The following GARNL3 variants were observed in gnomAD, a reference collection of about 807,000 sequenced individuals.
GARNL3 encodes GTPase-activating Rap/Ran-GAP domain-like protein 3.
A neutral mutation model predicts 125.0 loss-of-function variants in GARNL3; 63 were observed. The observed-to-expected ratio is 0.50, with a 90% confidence interval of 0.41 to 0.62. GARNL3 has a LOEUF of 0.62. Ranked by LOEUF, GARNL3 falls within the 20% of genes least tolerant of loss-of-function variation. The probability of loss-of-function intolerance (pLI) is 0.00; values close to 1 mark genes in which losing one functional copy is unlikely to be tolerated. For synonymous variants in GARNL3, 439 were observed against 457.5 expected, an observed-to-expected ratio of 0.96 and a Z score of 0.52; for missense variants, 994 against 1,244.0, an observed-to-expected ratio of 0.80 and a Z score of 3.02.
chr9:127,353,831 G>A lies in GARNL3; in HGVS notation c.1544-15G>A, dbSNP rs767897607. 6.3e-7 allele frequency: 1 copy of A among 1,581,362 alleles called. No individual in the cohort carries two copies. The highest frequency in any genetic ancestry group is 8.7e-7 in the Non-Finnish European group (1 of 1,150,186). The stretch of plus-strand genomic sequence containing the variant: ...GCTGGGTTGCAGTGATGGGTAACCA[G>A]GTTTCCTTTTCCAGATGACCTTCCA... On this transcript the variant is annotated splice_polypyrimidine_tract_variant and intron_variant, in intron 17 of 27. Coordinates refer to ENST00000373387, the MANE Select transcript of GARNL3 (RefSeq NM_032293.5).
chr9:127,309,074 C>G (rs2065028822), intron 2 of GARNL3, among the ~76,000 whole-genome samples: 1 of 151,992 alleles, frequency 6.6e-6, no homozygotes, highest in Non-Finnish European at 1.5e-5. Context: ...TTTTAAAATT[C>G]CAGAAAATCT....
At chr9:127,368,008 C>CTTTTTTT (rs10573639) in intron 22 of GARNL3, among the ~76,000 whole-genome samples, 8 of 81,886 alleles carry the variant, frequency 9.8e-5, no homozygotes, top group Non-Finnish European at 1.4e-4. Context: ...CATAGACTTT[C>CTTTTTTT]TTTTTTTTTT....
At chr9:127,249,899 C>G (rs1236200913) in intron 2 of GARNL3, among the ~76,000 whole-genome samples, 1 of 152,132 alleles carries the variant, frequency 6.6e-6, no homozygotes, top group Non-Finnish European at 1.5e-5. Context: ...ATCCCAGCTA[C>G]TCGGGAGGCT....
chr9:127,368,584 G>T (rs1421475365), intron 22 of GARNL3, among the ~76,000 whole-genome samples: 2 of 149,658 alleles, frequency 1.3e-5, no homozygotes, highest in Non-Finnish European at 3.0e-5. Context: ...ACCTGCCTCA[G>T]CCTCCCAAAG....
At chr9:127,295,000 G>C (rs753329012) in intron 2 of GARNL3, among the ~76,000 whole-genome samples, 1 of 152,320 alleles carries the variant, frequency 6.6e-6, no homozygotes, top group Middle Eastern at 3.4e-3. Flanking sequence ...CCTTATCAGC[G>C]ACAGCCAGTG....
intron 15 of GARNL3, 80 bp downstream of exon 15, chr9:127,344,419 C>T (rs754015552): frequency 1.1e-6 from 1 of 896,024 alleles, no homozygotes; most frequent in South Asian, 1.4e-5. Flanking sequence ...TGTGCAAAGA[C>T]TTTGTTTGCC....
chr9:127,284,469 C>T (rs900768701), intron 1 of GARNL3, among the ~76,000 whole-genome samples: 5 of 151,988 alleles, frequency 3.3e-5, no homozygotes, highest in Admixed American at 1.3e-4. Context: ...ATCAATTATA[C>T]TATCTTTCTA....
intron 16 of GARNL3, 47 bp downstream of exon 16, chr9:127,345,524 T>G (rs1205007611): frequency 8.4e-7 from 1 of 1,194,050 alleles, no homozygotes; most frequent in Non-Finnish European, 1.2e-6. Flanking sequence ...CCCCTTTTCC[T>G]TAATGAAAAT....
chr9:127,339,632 A>G lies in GARNL3; in HGVS notation c.1029-13A>G. 6.3e-7 allele frequency: 1 copy of G among 1,581,958 alleles called. No homozygotes were observed. Among genetic ancestry groups the G allele is most frequent in the Non-Finnish European group, 8.7e-7 (1 of 1,150,620 alleles). On this transcript the variant is annotated splice_polypyrimidine_tract_variant and intron_variant, in intron 12 of 27. Coordinates refer to ENST00000373387, the MANE Select transcript of GARNL3 (RefSeq NM_032293.5). The stretch of plus-strand genomic sequence containing the variant: ...CAAGTGCTAATATTAATTCTGCAAT[A>G]TTCTCTACTTAGGCTGAAAATATTT...
chr9:127,376,695 T>C (rs1831939232), intron 22 of GARNL3, among the ~76,000 whole-genome samples: 1 of 151,918 alleles, frequency 6.6e-6, no homozygotes, highest in Non-Finnish European at 1.5e-5. Flanking sequence ...CAATGAAATA[T>C]GGTAAGTTTT....
chr9:127,368,232 C>A (rs983842625), intron 22 of GARNL3, among the ~76,000 whole-genome samples: 7 of 151,562 alleles, frequency 4.6e-5, no homozygotes, highest in African/African-American at 1.7e-4. Context: ...GTAGGGAGAC[C>A]AGGGAGAAGG....
At chr9:127,326,067 G>A (rs968612267) in intron 7 of GARNL3, among the ~76,000 whole-genome samples, 3 of 152,130 alleles carry the variant, frequency 2.0e-5, no homozygotes, top group Non-Finnish European at 2.9e-5. Context: ...TCCTCAGAAA[G>A]AGCCTATAGT....
At chr9:127,258,347 A>G (rs1333037764) in intron 2 of GARNL3, among the ~76,000 whole-genome samples, 2 of 152,138 alleles carry the variant, frequency 1.3e-5, no homozygotes, top group Non-Finnish European at 2.9e-5. Context: ...TCATTATTAG[A>G]AGTTAATGTG....
At chr9:127,322,048 AC>A (rs2065420981) in intron 6 of GARNL3, among the ~76,000 whole-genome samples, 1 of 152,178 alleles carries the variant, frequency 6.6e-6, no homozygotes, top group Non-Finnish European at 1.5e-5. Context: ...TCCAGCCTCA[AC>A]CCCAGACGGA....
At chr9:127,359,248 G>A (rs1830851024) in intron 21 of GARNL3, among the ~76,000 whole-genome samples, 1 of 152,184 alleles carries the variant, frequency 6.6e-6, no homozygotes, top group South Asian at 2.1e-4. Flanking sequence ...CCAGCACTTT[G>A]GGCGGCCAAG....
intron 9 of GARNL3, among the ~76,000 whole-genome samples, chr9:127,334,385 C>T (rs547708117): frequency 2.3e-4 from 35 of 152,172 alleles, no homozygotes; most frequent in Non-Finnish European, 4.6e-4. Flanking sequence ...GTGCAGGTCT[C>T]CTTACCCTCT....
intron 11 of GARNL3, among the ~76,000 whole-genome samples, chr9:127,336,765 C>A: frequency 6.6e-6 from 1 of 152,246 alleles, no homozygotes; most frequent in East Asian, 1.9e-4. Flanking sequence ...GGGGCTGAAG[C>A]TTCTGCAGTG....
At chr9:127,293,473 G>C (rs1393898284) in intron 2 of GARNL3, among the ~76,000 whole-genome samples, 1 of 152,068 alleles carries the variant, frequency 6.6e-6, no homozygotes, top group Non-Finnish European at 1.5e-5. Flanking sequence ...ATCATGTCTA[G>C]TTTGTCTGTT....
chr9:127,235,076 T>C (rs866133962), intron 1 of GARNL3, among the ~76,000 whole-genome samples: 15 of 152,164 alleles, frequency 9.9e-5, no homozygotes, highest in African/African-American at 3.6e-4. Context: ...CATATACATA[T>C]GTGTTAAGTG....
Sources: allele counts gnomAD v4.1 joint callset (sites outside exome capture counted in the v4.1 genomes callset), GRCh38; gene constraint gnomAD v4.1.1; transcripts MANE v1.5; gene names NCBI Gene and HGNC (gene_info 2026-07-23, HGNC 2026-07-21).